CACNA1S: variants seen among roughly 807,000 people sequenced by gnomAD.
CACNA1S encodes voltage-dependent L-type calcium channel subunit alpha-1S.
CACNA1S carries 126 observed loss-of-function variants against 207.4 expected under a neutral mutation model. The observed-to-expected ratio is 0.61, with a 90% CI of 0.53 to 0.70. CACNA1S has a LOEUF of 0.70. CACNA1S is among the 30% of genes least tolerant of loss of function. The pLI is 0.00. For missense variants in CACNA1S, 2,349 were observed against 2,422.8 expected, an observed-to-expected ratio of 0.97 and a Z score of 0.64; for synonymous variants, 960 against 932.7, an observed-to-expected ratio of 1.03 and a Z score of -0.53.
chr1:201,085,114 G>T, intron 8 of CACNA1S, 83 bp from the exon 9 acceptor site: 2 of 961,338 alleles, frequency 2.1e-6, no homozygotes, highest in Admixed American at 1.8e-5. Context: ...CGAGACAAGG[G>T]CCCATTGACC....
At position 201,044,349 on chromosome 1, in the gene CACNA1S, C is replaced by T. The variant is rs752911523; in HGVS notation, c.4776G>A (p.Ala1592=). 49 of 1,613,558 alleles carry T rather than the reference C, an allele frequency of 3.0e-5. No individual in the cohort carries two copies. The highest frequency in any genetic ancestry group is 3.8e-5 in the Non-Finnish European group (45 of 1,179,828). The change falls in exon 39 of 44, where the codon GCG becomes GCA. Residue 1592 remains alanine (A), a synonymous_variant. Coordinates refer to ENST00000362061, the MANE Select transcript of CACNA1S (RefSeq NM_000069.3). ...TCACCCGGAATATTCCCTCCTCCAT[C>T]GCAGCCTCCACCATGGCTCTCTCCA... ...EELERAMVEA[A]MEEGIFRRTG... is the part of the protein sequence containing the mutation.
At chr1:201,080,934 T>C (rs942132990) in intron 10 of CACNA1S, among the ~76,000 whole-genome samples, 1 of 152,238 alleles carries the variant, frequency 6.6e-6, no homozygotes, top group Admixed American at 6.5e-5. Flanking sequence ...TTAGAATCCT[T>C]GGACCATGAG....
At chr1:201,100,545 T>A (rs1662614192) in intron 2 of CACNA1S, among the ~76,000 whole-genome samples, 1 of 151,510 alleles carries the variant, frequency 6.6e-6, no homozygotes, top group African/African-American at 2.4e-5. Context: ...GTCTCAGGGG[T>A]CTCATTTCCC....
intron 43 of CACNA1S, 48 bp from the exon 44 acceptor site, chr1:201,040,130 TTTGGGGACCTGCCTC>T: frequency 6.2e-7 from 1 of 1,612,520 alleles, no homozygotes; most frequent in Non-Finnish European, 8.5e-7. Flanking sequence ...GGGAGCCACA[TTTGGGGACCTGCCTC>T]TGTTGGCCCT....
intron 38 of CACNA1S, 51 bp from the exon 39 acceptor site, chr1:201,044,507 C>A (rs1458636682): frequency 1.3e-6 from 2 of 1,599,226 alleles, no homozygotes; most frequent in South Asian, 1.1e-5. Flanking sequence ...GAGAGGAGAC[C>A]AGAACCACTT....
intron 2 of CACNA1S, among the ~76,000 whole-genome samples, chr1:201,095,157 C>T (rs28576015): frequency 4.4e-5 from 6 of 137,866 alleles, no homozygotes; most frequent in African/African-American, 1.6e-4. Context: ...CATATATATA[C>T]ATATATATAT....
chr1:201,085,342 T>C lies in CACNA1S; in HGVS notation c.1150+94A>G, dbSNP rs114756384. 1.3e-3 allele frequency: 1,991 copies of C among 1,530,126 alleles called. 20 individuals are homozygous for C. The African/African-American group carries it at 0.023, about 18-fold the overall frequency. 94.8% of individuals were successfully genotyped at this position (1,530,126 alleles called of 1,614,324 possible). On this transcript the variant is annotated intron_variant, in intron 8 of 43. Coordinates refer to ENST00000362061, the MANE Select transcript of CACNA1S (RefSeq NM_000069.3). ...GTCACTCACCCTCAAAGGACTAATG[T>C]TGGACTTGCTCAGTGGGCCTGATTG...
chr1:201,110,051 C>T (rs1035770387), intron 2 of CACNA1S, 113 bp downstream of exon 2: 9 of 967,082 alleles, frequency 9.3e-6, no homozygotes, highest in Middle Eastern at 2.4e-4. Context: ...GGGCCTGCAT[C>T]GTCAGGGAGT....
chr1:201,054,880 GT>G (rs1314905238), intron 28 of CACNA1S, among the ~76,000 whole-genome samples: 2 of 152,196 alleles, frequency 1.3e-5, no homozygotes, highest in Admixed American at 1.3e-4. Flanking sequence ...TTTTTCTTAT[GT>G]GTTTGGGTTA....
At chr1:201,083,456 A>C in intron 9 of CACNA1S, 134 bp from the exon 10 acceptor site, 2 of 871,606 alleles carry the variant, frequency 2.3e-6, no homozygotes, top group Non-Finnish European at 3.9e-6. Context: ...AGAGAAGCTC[A>C]GGGCATGAGC....
chr1:201,102,150 C>T (rs373555246), intron 2 of CACNA1S, among the ~76,000 whole-genome samples: 4 of 152,130 alleles, frequency 2.6e-5, no homozygotes, highest in Admixed American at 6.5e-5. Flanking sequence ...CACAGGGTGG[C>T]GTGACCTGAA....
In CACNA1S at chr1:201,054,472, C is replaced by T. The variant is rs755072280; in HGVS notation, c.3666+33G>A. The stretch of plus-strand genomic sequence containing the variant: ...AAGTGGCAGGGCAGGAGCTGGTGAG[C>T]GTGCCAGGCAGGCTCGTGCAGCCTG... On this transcript the variant is annotated intron_variant, in intron 29 of 43. Coordinates refer to ENST00000362061, the MANE Select transcript of CACNA1S (RefSeq NM_000069.3). 16 of 1,607,046 alleles carry T rather than the reference C, an allele frequency of 1.0e-5. No individual in the cohort carries two copies. In the East Asian group the frequency reaches 1.1e-4, roughly 11 times the overall value.
In CACNA1S at chr1:201,095,413, G is replaced by A. The variant is rs140375211; in HGVS notation, c.259-1392C>T. ...CTGCGGAGCCAGACTGGGGAACTGGGCACTCCATTAATGATATGGAAGATA... is the reference window on the plus strand; with the variant it reads ...CTGCGGAGCCAGACTGGGGAACTGGACACTCCATTAATGATATGGAAGATA... On this transcript the variant is annotated intron_variant, in intron 2 of 43. Coordinates refer to ENST00000362061, the MANE Select transcript of CACNA1S (RefSeq NM_000069.3). Among the ~76,000 whole-genome samples the A allele has an allele frequency of 2.2e-3, 339 of 152,200 alleles. 2 individuals carry two copies. Among genetic ancestry groups the A allele is most frequent in the African/African-American group, 7.9e-3 (327 of 41,528 alleles).
intron 2 of CACNA1S, among the ~76,000 whole-genome samples, chr1:201,104,636 A>G (rs1049533069): frequency 2.0e-5 from 3 of 152,192 alleles, no homozygotes; most frequent in African/African-American, 7.2e-5. Flanking sequence ...AATCTTTGAT[A>G]TGTGTTCCTT....
intron 38 of CACNA1S, among the ~76,000 whole-genome samples, chr1:201,046,628 C>T (rs1023470838): frequency 4.6e-5 from 7 of 152,124 alleles, no homozygotes; most frequent in Non-Finnish European, 1.0e-4. Context: ...CTGCAACCTC[C>T]GCTTCCAGGG....
At chr1:201,052,037 G>C (rs1211785595) in intron 32 of CACNA1S, among the ~76,000 whole-genome samples, 1 of 152,172 alleles carries the variant, frequency 6.6e-6, no homozygotes, top group African/African-American at 2.4e-5. Flanking sequence ...CTGTGGGCCA[G>C]GAAGCTCACC....
Position 201,091,955 on chromosome 1 carries a change from G to A in CACNA1S, c.541+17C>T, listed in dbSNP as rs1165626594. 1.2e-6 allele frequency: 2 copies of A among 1,613,896 alleles called. No homozygotes were observed. Among genetic ancestry groups the A allele is most frequent in the South Asian group, 2.2e-5 (2 of 91,062 alleles). ...AAGGGAGAGGAGAAAGGGGTCTGCA[G>A]GGACACTGCCACCCACTAGGCACCC... On this transcript the variant is annotated intron_variant, in intron 4 of 43. Coordinates refer to ENST00000362061, the MANE Select transcript of CACNA1S (RefSeq NM_000069.3).
At position 201,061,211 on chromosome 1, in the gene CACNA1S, C is replaced by T. The variant is rs1025807031; in HGVS notation, c.3255+56G>A. 1.1e-5 allele frequency: 16 copies of T among 1,518,136 alleles called. No individual in the cohort carries two copies. In the South Asian group the frequency reaches 1.7e-4, roughly 16 times the overall value. The allele number at this position is 1,518,136 out of a possible 1,614,324, so 94.0% of individuals were successfully genotyped here. On this transcript the variant is annotated intron_variant, in intron 25 of 43. Coordinates refer to ENST00000362061, the MANE Select transcript of CACNA1S (RefSeq NM_000069.3). ...TCCCTGGCTGAACCTAGGGCTTGGG[C>T]CAGCAGGAGGCCTGCTGGAGCTCTG...
In CACNA1S at chr1:201,066,413, C is replaced by T; in HGVS notation, c.2658-97G>A. ...AGCCATATCCTGCCCTCCACACCAGCTGCCTTTCTGCCTGAAAACACTCCC... is the reference window on the plus strand; with the variant it reads ...AGCCATATCCTGCCCTCCACACCAGTTGCCTTTCTGCCTGAAAACACTCCC... On this transcript the variant is annotated intron_variant, in intron 20 of 43. Coordinates refer to ENST00000362061, the MANE Select transcript of CACNA1S (RefSeq NM_000069.3). This position sits in a 1 kb window ranked among gnomAD's most constrained non-coding sequence, Gnocchi z 4.3. 3 of 1,018,098 alleles carry T rather than the reference C, an allele frequency of 2.9e-6. No homozygotes were observed. The highest frequency in any genetic ancestry group is 4.6e-6 in the Non-Finnish European group (3 of 651,656). The allele number at this position is 1,018,098 out of a possible 1,614,324, so 63.1% of individuals were successfully genotyped here.
Sources: allele counts gnomAD v4.1 joint callset (sites outside exome capture counted in the v4.1 genomes callset), GRCh38; gene constraint gnomAD v4.1.1; non-coding constraint Gnocchi (gnomAD v3.1); transcripts MANE v1.5; gene names NCBI Gene and HGNC (gene_info 2026-07-23, HGNC 2026-07-21).